KCNQ5: variants seen among roughly 807,000 people sequenced by gnomAD.
KCNQ5 encodes potassium voltage-gated channel subfamily Q member 5.
A neutral mutation model predicts 98.2 loss-of-function variants in KCNQ5; 30 were observed. The ratio of observed to expected loss-of-function variants is 0.31; its 90% CI spans 0.23 to 0.41. The LOEUF (loss-of-function observed/expected upper bound fraction) is 0.41, where lower values mean the gene tolerates loss of function less well. Ranked by LOEUF, KCNQ5 falls within the 10% of genes least tolerant of loss-of-function variation. KCNQ5 has a pLI of 1.00. For synonymous variants in KCNQ5, 458 were observed against 449.4 expected, an observed-to-expected ratio of 1.02 and a Z score of -0.24; for missense variants, 835 against 1,182.5, an observed-to-expected ratio of 0.71 and a Z score of 4.31.
intron 1 of KCNQ5, among the ~76,000 whole-genome samples, chr6:72,637,327 T>C (rs1204419221): frequency 6.6e-6 from 1 of 152,076 alleles, no homozygotes; most frequent in Non-Finnish European, 1.5e-5. Context: ...GTTCACTTAA[T>C]TCTATTACAT....
At chr6:72,988,424 T>C (rs1365795272) in intron 1 of KCNQ5, among the ~76,000 whole-genome samples, 1 of 152,074 alleles carries the variant, frequency 6.6e-6, no homozygotes, top group African/African-American at 2.4e-5. Context: ...AAATACCAGA[T>C]GTTCTTACTT....
chr6:72,895,570 G>C (rs1779219335), intron 1 of KCNQ5, among the ~76,000 whole-genome samples: 1 of 151,130 alleles, frequency 6.6e-6, no homozygotes, highest in African/African-American at 2.4e-5. Context: ...GTAACACTTT[G>C]AATTAGTCAT....
chr6:73,173,084 T>C (rs916257716), intron 11 of KCNQ5, among the ~76,000 whole-genome samples: 1 of 152,230 alleles, frequency 6.6e-6, no homozygotes, highest in African/African-American at 2.4e-5. Context: ...CTGTTCATGG[T>C]ACATAGTAAA....
chr6:72,780,234 C>A (rs1232604744), intron 1 of KCNQ5, among the ~76,000 whole-genome samples: 1 of 152,132 alleles, frequency 6.6e-6, no homozygotes, highest in Non-Finnish European at 1.5e-5. Flanking sequence ...AAAGGCAGAA[C>A]AGAGGCCTGT....
intron 11 of KCNQ5, among the ~76,000 whole-genome samples, chr6:73,188,922 A>T (rs994708385): frequency 6.8e-6 from 1 of 147,718 alleles, no homozygotes; most frequent in Non-Finnish European, 1.5e-5. Flanking sequence ...GGCAGAAATT[A>T]CTACGAGCTG....
At chr6:73,148,784 T>C (rs1777022334) in intron 10 of KCNQ5, among the ~76,000 whole-genome samples, 1 of 152,194 alleles carries the variant, frequency 6.6e-6, no homozygotes, top group Non-Finnish European at 1.5e-5. Context: ...ACAACAACAG[T>C]GCCTCTCATT....
intron 1 of KCNQ5, among the ~76,000 whole-genome samples, chr6:72,730,532 T>C (rs1424903188): frequency 6.6e-6 from 1 of 152,192 alleles, no homozygotes; most frequent in Non-Finnish European, 1.5e-5. Flanking sequence ...CTTTTTTCTG[T>C]ATGGCCACCC....
intron 1 of KCNQ5, among the ~76,000 whole-genome samples, chr6:72,656,085 G>A (rs1766182617): frequency 6.6e-6 from 1 of 152,122 alleles, no homozygotes; most frequent in African/African-American, 2.4e-5. Context: ...ATTCTCAGCT[G>A]CAGAGTACCA....
At chr6:73,116,212 A>C (rs1025127727) in intron 7 of KCNQ5, among the ~76,000 whole-genome samples, 1 of 152,188 alleles carries the variant, frequency 6.6e-6, no homozygotes, top group Non-Finnish European at 1.5e-5. Context: ...TTAAATAGTA[A>C]CTTAGCTAAG....
chr6:72,898,039 A>G (rs1445652562), intron 1 of KCNQ5, among the ~76,000 whole-genome samples: 1 of 152,220 alleles, frequency 6.6e-6, no homozygotes, highest in Non-Finnish European at 1.5e-5. Context: ...TCAAGTACTA[A>G]AAGTTTGCTG....
chr6:73,065,398 A>C (rs1773002503), intron 3 of KCNQ5, among the ~76,000 whole-genome samples: 1 of 152,050 alleles, frequency 6.6e-6, no homozygotes, highest in Admixed American at 6.6e-5. Flanking sequence ...CCTGACTTTA[A>C]CCTCACTCTT....
chr6:72,637,352 A>T (rs948757544), intron 1 of KCNQ5, among the ~76,000 whole-genome samples: 2 of 152,172 alleles, frequency 1.3e-5, no homozygotes, highest in Middle Eastern at 3.4e-3. Context: ...GGAAAATATT[A>T]TACCTAGCCT....
chr6:73,096,704 T>C (rs1774516299), intron 5 of KCNQ5, among the ~76,000 whole-genome samples: 1 of 152,202 alleles, frequency 6.6e-6, no homozygotes, highest in Non-Finnish European at 1.5e-5. Context: ...GTGGAATCAT[T>C]ACATCGTGCT....
Position 73,108,299 on chromosome 6 carries a change from TC to T in KCNQ5, c.1029+2935del, listed in dbSNP as rs1325392230. 3.3e-5 allele frequency among the ~76,000 whole-genome samples: 5 copies of T among 152,212 alleles called. No homozygotes were observed. In the East Asian group the frequency reaches 7.7e-4, roughly 23 times the overall value. On this transcript the variant is annotated intron_variant, in intron 6 of 13. Transcript: ENST00000370398. ...CAGGTCTTTCTCCTTTTTAGAGTGC[TC>T]CCTTGTCTTCTGCTAGATATTCCTG... is the stretch of plus-strand genomic sequence containing the variant.
At position 73,109,231 on chromosome 6, in the gene KCNQ5, A is replaced by C. The variant is rs192120556; in HGVS notation, c.1030-2077A>C. 4.5e-3 allele frequency among the ~76,000 whole-genome samples: 683 copies of C among 152,354 alleles called. 3 individuals are homozygous for C. Among genetic ancestry groups the C allele is most frequent in the Non-Finnish European group, 7.4e-3 (502 of 68,034 alleles). On this transcript the variant is annotated intron_variant, in intron 6 of 13. Coordinates refer to ENST00000370398, the MANE Select transcript of KCNQ5 (RefSeq NM_019842.4). The stretch of plus-strand genomic sequence containing the variant: ...TCCGAGCAATGCCAATGTGATTTTC[A>C]GCACATTTTAGATTGTTTGGCAGAT...
chr6:72,736,655 A>T (rs1033671813), intron 1 of KCNQ5, among the ~76,000 whole-genome samples: 1 of 148,270 alleles, frequency 6.7e-6, no homozygotes, highest in East Asian at 2.0e-4. Context: ...GCCCGCCACC[A>T]CGCCCGGCTA....
At chr6:72,848,237 T>A (rs757999776) in intron 1 of KCNQ5, among the ~76,000 whole-genome samples, 1 of 151,940 alleles carries the variant, frequency 6.6e-6, no homozygotes, top group African/African-American at 2.4e-5. Context: ...GGGCAGAACA[T>A]GCAGGTTTGT....
chr6:72,949,837 C>T (rs1251527145), intron 1 of KCNQ5, among the ~76,000 whole-genome samples: 1 of 152,100 alleles, frequency 6.6e-6, no homozygotes, highest in Non-Finnish European at 1.5e-5. Flanking sequence ...TGCCCTTTCC[C>T]TCCCCCAATA....
chr6:72,763,307 G>GT (rs1445902211), intron 1 of KCNQ5, among the ~76,000 whole-genome samples: 3 of 151,998 alleles, frequency 2.0e-5, no homozygotes, highest in Non-Finnish European at 4.4e-5. Flanking sequence ...AAAGGGCTGA[G>GT]TTATTATAAA....
Sources: allele counts gnomAD v4.1 joint callset (sites outside exome capture counted in the v4.1 genomes callset), GRCh38; gene constraint gnomAD v4.1.1; transcripts MANE v1.5; gene names NCBI Gene and HGNC (gene_info 2026-07-23, HGNC 2026-07-21).